FHIT: variants seen among roughly 807,000 people sequenced by gnomAD.
FHIT encodes bis(5'-adenosyl)-triphosphatase.
FHIT carries 19 observed loss-of-function variants against 17.9 expected under a neutral mutation model. The ratio of observed to expected loss-of-function variants is 1.06; its 90% CI spans 0.74 to 1.56. The LOEUF (loss-of-function observed/expected upper bound fraction) is 1.56, where lower values mean the gene tolerates loss of function less well. Among genes scored for constraint, FHIT ranks in the 40% most tolerant of loss-of-function variants. FHIT has a pLI of 0.00. For missense variants in FHIT, 248 were observed against 189.2 expected (o/e 1.31, Z -1.82); for synonymous variants, 81 against 69.7 (o/e 1.16, Z -0.81).
chr3:60,166,548 T>C (rs1277099207), intron 5 of FHIT, among the ~76,000 whole-genome samples: 2 of 152,190 alleles, frequency 1.3e-5, no homozygotes, highest in Non-Finnish European at 2.9e-5. Flanking sequence ...AAGGTACTAT[T>C]ATTATCTCCA....
intron 5 of FHIT, among the ~76,000 whole-genome samples, chr3:60,106,070 G>A (rs75566375): frequency 0.024 from 3,592 of 152,252 alleles, 76 homozygotes; most frequent in Non-Finnish European, 0.037. Flanking sequence ...CTTCTGGAGC[G>A]GGAATCTTTC....
chr3:61,120,848 A>AAAAAGGAACCTTGAC (rs1244013561), intron 2 of FHIT, among the ~76,000 whole-genome samples: 1 of 152,034 alleles, frequency 6.6e-6, no homozygotes, highest in Admixed American at 6.6e-5. Context: ...AGAAACTTGA[A>AAAAAGGAACCTTGAC]AAAAGGTTAG....
At chr3:60,556,414 C>T (rs2036740462) in intron 4 of FHIT, among the ~76,000 whole-genome samples, 1 of 152,194 alleles carries the variant, frequency 6.6e-6, no homozygotes, top group African/African-American at 2.4e-5. Context: ...CCATCTCTTC[C>T]TTGGCTTCAT....
intron 5 of FHIT, among the ~76,000 whole-genome samples, chr3:60,136,748 G>A (rs749531673): frequency 6.6e-6 from 1 of 152,138 alleles, no homozygotes; most frequent in East Asian, 1.9e-4. Context: ...ATGAGTTGGG[G>A]GCTATCCAGC....
Position 60,375,856 on chromosome 3 carries a change from T to G in FHIT, c.103+161004A>C, listed in dbSNP as rs376673668. Reference sequence around the variant, plus strand: ...TGTCAAACAGAGCTCTCTACAACGATAAAAATGTTCCAGATGTGTGTTGCC... The same window carrying G: ...TGTCAAACAGAGCTCTCTACAACGAGAAAAATGTTCCAGATGTGTGTTGCC... On this transcript the variant is annotated intron_variant, in intron 5 of 9. Coordinates refer to ENST00000492590, the MANE Select transcript of FHIT (RefSeq NM_002012.4). Among the ~76,000 whole-genome samples the G allele has an allele frequency of 1.4e-3, 219 of 152,242 alleles. 1 individual carries two copies. The highest frequency in any genetic ancestry group is 4.9e-3 in the African/African-American group (205 of 41,546).
At chr3:61,245,713 G>C (rs1046640306) in intron 1 of FHIT, among the ~76,000 whole-genome samples, 4 of 152,122 alleles carry the variant, frequency 2.6e-5, no homozygotes, top group African/African-American at 7.2e-5. Flanking sequence ...AATAAAAATT[G>C]TATATGTTTA....
At chr3:60,133,943 C>T (rs759682482) in intron 5 of FHIT, among the ~76,000 whole-genome samples, 2 of 151,502 alleles carry the variant, frequency 1.3e-5, no homozygotes, top group Non-Finnish European at 2.9e-5. Context: ...AATCAGACTT[C>T]GTGCCAGCTG....
At chr3:61,012,312 G>A (rs1366295440) in intron 3 of FHIT, among the ~76,000 whole-genome samples, 1 of 152,102 alleles carries the variant, frequency 6.6e-6, no homozygotes. Context: ...TATCTTGAGT[G>A]ACTGAGCAAC....
chr3:61,222,260 G>A (rs150585966), intron 1 of FHIT, among the ~76,000 whole-genome samples: 15 of 152,318 alleles, frequency 9.8e-5, no homozygotes, highest in Non-Finnish European at 1.8e-4. Flanking sequence ...AGGATGCCAG[G>A]AATTAAATGA....
At chr3:60,452,950 T>G (rs412104) in intron 5 of FHIT, among the ~76,000 whole-genome samples, 77,067 of 151,616 alleles carry the variant, frequency 0.51, 22,080 homozygotes, top group African/African-American at 0.77. Flanking sequence ...AATGGAAAAT[T>G]AGTCATTTCT....
intron 5 of FHIT, among the ~76,000 whole-genome samples, chr3:60,240,900 A>G (rs1265707728): frequency 1.3e-5 from 2 of 152,200 alleles, no homozygotes; most frequent in Non-Finnish European, 2.9e-5. Context: ...AGGGAAAAAA[A>G]TTGTTTAAAG....
chr3:60,032,125 G>C (rs1274255128), intron 5 of FHIT, among the ~76,000 whole-genome samples: 2 of 152,120 alleles, frequency 1.3e-5, no homozygotes, highest in African/African-American at 4.8e-5. Context: ...ATAATTCACT[G>C]TATCACAAAT....
intron 7 of FHIT, among the ~76,000 whole-genome samples, chr3:59,989,737 T>C (rs1276434141): frequency 1.3e-5 from 2 of 152,028 alleles, no homozygotes; most frequent in Middle Eastern, 3.2e-3. Flanking sequence ...TTCCTCCCCA[T>C]CACCCTGACC....
At chr3:60,714,874 G>T in intron 4 of FHIT, among the ~76,000 whole-genome samples, 1 of 152,154 alleles carries the variant, frequency 6.6e-6, no homozygotes, top group Non-Finnish European at 1.5e-5. Flanking sequence ...GTAATTTATA[G>T]ATTCAATGTC....
Position 59,764,654 on chromosome 3 carries a change from T to A in FHIT, c.349-12333A>T, listed in dbSNP as rs559448108. 3.9e-5 allele frequency among the ~76,000 whole-genome samples: 6 copies of A among 152,272 alleles called. No individual in the cohort carries two copies. The East Asian group carries it at 9.7e-4, about 25-fold the overall frequency. On this transcript the variant is annotated intron_variant, in intron 8 of 9. Transcript: ENST00000492590. ...TTAAAAACCCTCTTTAATGAAGACA[T>A]AAAGCCTTGAATGCATCTGAAACGC...
At chr3:60,878,284 G>T (rs1704766526) in intron 3 of FHIT, among the ~76,000 whole-genome samples, 1 of 152,068 alleles carries the variant, frequency 6.6e-6, no homozygotes, top group South Asian at 2.1e-4. Flanking sequence ...CAATAGGCTT[G>T]TGAAACTCTG....
At chr3:60,719,189 A>T (rs2041754527) in intron 4 of FHIT, among the ~76,000 whole-genome samples, 1 of 152,214 alleles carries the variant, frequency 6.6e-6, no homozygotes, top group African/African-American at 2.4e-5. Flanking sequence ...AAATAAGAAC[A>T]AATTATTACC....
intron 8 of FHIT, among the ~76,000 whole-genome samples, chr3:59,875,579 G>A (rs1703115331): frequency 6.6e-6 from 1 of 152,106 alleles, no homozygotes; most frequent in Non-Finnish European, 1.5e-5. Context: ...TGTGATATCA[G>A]GAGCATCTAG....
At chr3:60,933,267 A>G (rs1708049430) in intron 3 of FHIT, among the ~76,000 whole-genome samples, 2 of 152,232 alleles carry the variant, frequency 1.3e-5, no homozygotes, top group South Asian at 4.1e-4. Flanking sequence ...GAAATACAGT[A>G]CAAGGCACAT....
Sources: allele counts gnomAD v4.1 joint callset (sites outside exome capture counted in the v4.1 genomes callset), GRCh38; gene constraint gnomAD v4.1.1; transcripts MANE v1.5; gene names NCBI Gene and HGNC (gene_info 2026-07-23, HGNC 2026-07-21).